The following DDHD1 variants were observed in gnomAD, a reference collection of about 807,000 sequenced individuals.
The protein encoded by DDHD1 is DDHD domain containing 1, also known as phospholipase DDHD1.
Under a neutral mutation model 96.4 loss-of-function variants are expected in DDHD1, and 49 were observed. The observed-to-expected ratio is 0.51, with a 90% CI of 0.40 to 0.64. The LOEUF (loss-of-function observed/expected upper bound fraction) is 0.64. Among genes scored for constraint, DDHD1 ranks in the 30% least tolerant of loss-of-function variants. DDHD1 has a pLI of 0.00. For missense variants in DDHD1, 1,106 were observed against 1,161.2 expected, an observed-to-expected ratio of 0.95 and a Z score of 0.69; for synonymous variants, 442 against 446.5, an observed-to-expected ratio of 0.99 and a Z score of 0.13.
rs1555328236 is a variant in DDHD1, at chr14:53,043,392, A to AGTGTGTGTGTAT, written c.*3375_*3376insATACACACACAC. 5.2e-4 allele frequency: 58 copies of AGTGTGTGTGTAT among 112,530 alleles called. No homozygotes were observed. Among genetic ancestry groups the AGTGTGTGTGTAT allele is most frequent in the African/African-American group, 1.5e-3 (53 of 36,328 alleles). The allele number at this position is 112,530 out of a possible 1,614,324, so 7.0% of individuals were successfully genotyped here. ...CAAAAGAGCAGTTATTAGAACATCCAGTGTGTGTGTGTGTGTGTGTGTGTG... is the reference window on the plus strand; with the variant it reads ...CAAAAGAGCAGTTATTAGAACATCCAGTGTGTGTGTATGTGTGTGTGTGTGTGTGTGTGTGTG... On this transcript the variant is annotated 3_prime_UTR_variant, in exon 13 of 13. Transcript: ENST00000673822.
intron 12 of DDHD1, among the ~76,000 whole-genome samples, 166 bp downstream of exon 12, chr14:53,051,678 T>C (rs2139823569): frequency 6.6e-6 from 1 of 152,050 alleles, no homozygotes; most frequent in East Asian, 1.9e-4. Context: ...CCACTACCAT[T>C]TAAGACTAGA....
At chr14:53,086,481 G>T (rs1289272690) in intron 4 of DDHD1, among the ~76,000 whole-genome samples, 1 of 152,198 alleles carries the variant, frequency 6.6e-6, no homozygotes. Context: ...AGCCAGAAGA[G>T]AGTGGGGGCC....
chr14:53,072,325 C>T (rs943990214), intron 6 of DDHD1, among the ~76,000 whole-genome samples: 5 of 151,944 alleles, frequency 3.3e-5, no homozygotes, highest in African/African-American at 1.2e-4. Context: ...GTGAAGACAA[C>T]AATCATAGAT....
At chr14:53,063,920 T>C (rs1388472822) in intron 6 of DDHD1, among the ~76,000 whole-genome samples, 1 of 152,152 alleles carries the variant, frequency 6.6e-6, no homozygotes, top group Non-Finnish European at 1.5e-5. Flanking sequence ...CAAATATTAC[T>C]GAAATATTCC....
intron 1 of DDHD1, among the ~76,000 whole-genome samples, chr14:53,128,504 C>T (rs1889624014): frequency 1.3e-5 from 2 of 152,258 alleles, no homozygotes; most frequent in African/African-American, 4.8e-5. Context: ...AGGACTCTGC[C>T]GTATGACCTT....
intron 2 of DDHD1, among the ~76,000 whole-genome samples, chr14:53,096,606 G>A (rs1886902035): frequency 1.3e-5 from 2 of 151,910 alleles, no homozygotes; most frequent in Admixed American, 1.3e-4. Context: ...AACAGCTGAT[G>A]TACAAATTGA....
chr14:53,050,768 A>G (rs939557777), intron 12 of DDHD1, among the ~76,000 whole-genome samples: 2 of 152,074 alleles, frequency 1.3e-5, no homozygotes, highest in Admixed American at 6.6e-5. Flanking sequence ...AGCCATATAG[A>G]TATTACCATC....
intron 6 of DDHD1, among the ~76,000 whole-genome samples, chr14:53,070,734 C>T (rs1884440441): frequency 6.6e-6 from 1 of 152,064 alleles, no homozygotes; most frequent in Admixed American, 6.6e-5. Flanking sequence ...ACAAAATAAA[C>T]CTGTTAACTC....
In DDHD1 at chr14:53,153,316, T is replaced by C. The variant is rs992983434; in HGVS notation, c.-218A>G. The C allele has an allele frequency of 7.9e-6, 3 of 378,370 alleles. No individual in the cohort carries two copies. The highest frequency in any genetic ancestry group is 1.4e-5 in the Non-Finnish European group (3 of 219,210). The allele number at this position is 378,370 out of a possible 1,614,324, so 23.4% of individuals were successfully genotyped here. On this transcript the variant is annotated 5_prime_UTR_variant, in exon 1 of 13. Transcript: ENST00000673822. ...GGCCCCATTGTCACGCAGCCCGACG[T>C]AGGCGGTGCTTCGGCCCCCGCCCCG... is the stretch of plus-strand genomic sequence containing the variant.
intron 4 of DDHD1, among the ~76,000 whole-genome samples, chr14:53,081,425 TAC>T (rs1566546971): frequency 6.6e-6 from 1 of 152,256 alleles, no homozygotes; most frequent in African/African-American, 2.4e-5. Context: ...TAGGAAGTGG[TAC>T]ATGTGCTGCT....
chr14:53,119,071 A>T (rs1039071238), intron 1 of DDHD1, among the ~76,000 whole-genome samples: 2 of 152,204 alleles, frequency 1.3e-5, no homozygotes, highest in Admixed American at 1.3e-4. Context: ...CTAAGCTTCG[A>T]AAGTGAAGGA....
At chr14:53,109,354 T>C (rs1202480942) in intron 1 of DDHD1, among the ~76,000 whole-genome samples, 6 of 152,210 alleles carry the variant, frequency 3.9e-5, no homozygotes, top group Admixed American at 2.0e-4. Context: ...TGAGGACTTT[T>C]TCTGAGGGTG....
At chr14:53,065,567 A>G (rs1883947935) in intron 6 of DDHD1, among the ~76,000 whole-genome samples, 1 of 152,204 alleles carries the variant, frequency 6.6e-6, no homozygotes, top group Admixed American at 6.5e-5. Flanking sequence ...GTCCTCAGAA[A>G]GTCATCTGAG....
chr14:53,056,295 TA>T (rs1280661508), intron 9 of DDHD1, among the ~76,000 whole-genome samples: 2 of 152,158 alleles, frequency 1.3e-5, no homozygotes, highest in Admixed American at 6.5e-5. Flanking sequence ...AGCTCTGTTT[TA>T]AAATAGATTG....
chr14:53,151,142 G>A (rs551644126), intron 1 of DDHD1, among the ~76,000 whole-genome samples: 2 of 152,290 alleles, frequency 1.3e-5, no homozygotes, highest in East Asian at 1.9e-4. Context: ...CCCTATCAGA[G>A]TACAAAGATA....
chr14:53,123,500 C>A (rs1889169909), intron 1 of DDHD1, among the ~76,000 whole-genome samples: 2 of 152,054 alleles, frequency 1.3e-5, no homozygotes, highest in African/African-American at 2.4e-5. Flanking sequence ...AACAAACCTG[C>A]AAACAACCCA....
chr14:53,068,861 A>G (rs1884275349), intron 6 of DDHD1, among the ~76,000 whole-genome samples: 1 of 152,162 alleles, frequency 6.6e-6, no homozygotes, highest in Non-Finnish European at 1.5e-5. Context: ...TTTAGTATCC[A>G]TCGATGATTT....
chr14:53,041,898 G>C lies in DDHD1; in HGVS notation c.*4870C>G, dbSNP rs1176364910. ...TACAGAGGTGTATGTGTGGAGGGGA[G>C]GTTGGGGGACAAAAACAAAGAGAGG... is the stretch of plus-strand genomic sequence containing the variant. On this transcript the variant is annotated 3_prime_UTR_variant, in exon 13 of 13. Transcript: ENST00000673822. The C allele has an allele frequency of 6.6e-6, 1 of 152,154 alleles. No homozygotes were observed. The highest frequency in any genetic ancestry group is 1.5e-5 in the Non-Finnish European group (1 of 68,060). 9.4% of individuals were successfully genotyped at this position (152,154 alleles called of 1,614,324 possible).
In DDHD1 at chr14:53,044,833, C is replaced by T. The variant is rs771403387; in HGVS notation, c.*1935G>A. ...CACTAAGTAAAACCTACAAGTAAGC[C>T]ACAGATTCTACTATCTTATGAAGAA... On this transcript the variant is annotated 3_prime_UTR_variant, in exon 13 of 13. Transcript: ENST00000673822. 1 of 152,134 alleles carries T rather than the reference C, an allele frequency of 6.6e-6. No individual in the cohort carries two copies. The highest frequency in any genetic ancestry group is 1.5e-5 in the Non-Finnish European group (1 of 68,030). 9.4% of individuals were successfully genotyped at this position (152,134 alleles called of 1,614,324 possible).
Sources: allele counts gnomAD v4.1 joint callset (sites outside exome capture counted in the v4.1 genomes callset), GRCh38; gene constraint gnomAD v4.1.1; transcripts MANE v1.5; gene names NCBI Gene and HGNC (gene_info 2026-07-23, HGNC 2026-07-21).